Variants in WWOX observed in about 807,000 individuals in gnomAD.
WWOX encodes the protein WW domain-containing oxidoreductase.
WWOX carries 69 observed loss-of-function variants against 46.2 expected under a neutral mutation model. The observed-to-expected ratio is 1.49, with a 90% CI of 1.23 to 1.82. The LOEUF (loss-of-function observed/expected upper bound fraction) is 1.82, where lower values mean the gene tolerates loss of function less well. WWOX is among the 40% of genes most tolerant of loss of function. WWOX has a pLI of 0.00. For missense variants in WWOX, 919 were observed against 542.6 expected, an observed-to-expected ratio of 1.69 and a Z score of -6.89; for synonymous variants, 359 against 202.6, an observed-to-expected ratio of 1.77 and a Z score of -6.56.
chr16:78,680,658 C>G (rs1247088658), intron 8 of WWOX, among the ~76,000 whole-genome samples: 1 of 152,214 alleles, frequency 6.6e-6, no homozygotes, highest in Admixed American at 6.5e-5. Flanking sequence ...CTCACTCACA[C>G]ATTACAAGTG....
intron 8 of WWOX, among the ~76,000 whole-genome samples, chr16:78,643,493 T>A (rs948352897): frequency 6.6e-6 from 1 of 152,134 alleles, no homozygotes; most frequent in Non-Finnish European, 1.5e-5. Flanking sequence ...AGGCGACTTC[T>A]AACATGTCCA....
chr16:78,527,629 A>G (rs1240042649), intron 8 of WWOX, among the ~76,000 whole-genome samples: 2 of 152,180 alleles, frequency 1.3e-5, no homozygotes, highest in African/African-American at 4.8e-5. Context: ...ACTACATTTA[A>G]CCATGTATGT....
intron 5 of WWOX, among the ~76,000 whole-genome samples, chr16:78,243,399 A>AG (rs1007195978): frequency 1.3e-5 from 2 of 152,028 alleles, no homozygotes; most frequent in Non-Finnish European, 2.9e-5. Flanking sequence ...GTACTCGTGC[A>AG]GGGCTGTTAA....
intron 4 of WWOX, among the ~76,000 whole-genome samples, chr16:78,122,026 G>C (rs1042596136): frequency 3.9e-5 from 6 of 152,038 alleles, no homozygotes; most frequent in Admixed American, 3.9e-4. Context: ...CTAATTTTGA[G>C]AGAGAGAGAG....
chr16:78,169,271 C>T (rs999186020), intron 5 of WWOX, among the ~76,000 whole-genome samples: 1 of 152,194 alleles, frequency 6.6e-6, no homozygotes, highest in African/African-American at 2.4e-5. Context: ...GCAGTGGACT[C>T]TCTTTTATTT....
chr16:78,888,556 G>A (rs992145176), intron 8 of WWOX, among the ~76,000 whole-genome samples: 1 of 152,174 alleles, frequency 6.6e-6, no homozygotes, highest in Non-Finnish European at 1.5e-5. Context: ...CTCAAAGACG[G>A]CTTTTGTTTG....
chr16:78,243,765 A>G (rs1008751389), intron 5 of WWOX, among the ~76,000 whole-genome samples: 1 of 152,116 alleles, frequency 6.6e-6, no homozygotes, highest in African/African-American at 2.4e-5. Flanking sequence ...CAGGCTGGTC[A>G]CGAACTCCTG....
intron 8 of WWOX, among the ~76,000 whole-genome samples, chr16:78,597,665 C>T (rs866417916): frequency 2.2e-4 from 34 of 151,806 alleles, no homozygotes; most frequent in Middle Eastern, 3.2e-3. Context: ...GCTTTCCAAA[C>T]CCCTAAATTG....
At chr16:78,125,904 A>C (rs1405285365) in intron 4 of WWOX, among the ~76,000 whole-genome samples, 1 of 152,178 alleles carries the variant, frequency 6.6e-6, no homozygotes, top group Non-Finnish European at 1.5e-5. Context: ...ATTGTGATTA[A>C]CATGTATTCC....
At chr16:78,464,992 G>A (rs866364181) in intron 8 of WWOX, among the ~76,000 whole-genome samples, 3 of 152,148 alleles carry the variant, frequency 2.0e-5, no homozygotes, top group South Asian at 2.1e-4. Flanking sequence ...AGGAGCAAAG[G>A]CACATCTTAC....
At chr16:78,620,064 T>A (rs1349387053) in intron 8 of WWOX, among the ~76,000 whole-genome samples, 1 of 152,162 alleles carries the variant, frequency 6.6e-6, no homozygotes, top group Non-Finnish European at 1.5e-5. Flanking sequence ...TGGAAGATCA[T>A]CTCTAATTAA....
chr16:78,432,000 G>A lies in WWOX; in HGVS notation c.792-488G>A, dbSNP rs146874228. Among the ~76,000 whole-genome samples the A allele has an allele frequency of 4.1e-3, 619 of 152,278 alleles. 7 individuals carry two copies. The highest frequency in any genetic ancestry group is 0.014 in the African/African-American group (569 of 41,552). ...TAAAGTGCTGGGATTAGAGGCATGA[G>A]CCACCAGACATGACCTGTGTTTATA... On this transcript the variant is annotated intron_variant, in intron 7 of 8. Coordinates refer to ENST00000566780, the MANE Select transcript of WWOX (RefSeq NM_016373.4).
chr16:78,853,992 A>T (rs551876234), intron 8 of WWOX, among the ~76,000 whole-genome samples: 1 of 152,304 alleles, frequency 6.6e-6, no homozygotes, highest in South Asian at 2.1e-4. Context: ...TAAAAAATGA[A>T]CAGAGGAAAT....
intron 8 of WWOX, among the ~76,000 whole-genome samples, chr16:78,988,315 G>C (rs1267676952): frequency 6.7e-6 from 1 of 148,268 alleles, no homozygotes; most frequent in Non-Finnish European, 1.5e-5. Context: ...TTGCACTCCA[G>C]CCCAGGCAAC....
At chr16:78,930,842 G>A (rs541164967) in intron 8 of WWOX, among the ~76,000 whole-genome samples, 6 of 152,094 alleles carry the variant, frequency 3.9e-5, no homozygotes, top group African/African-American at 1.4e-4. Flanking sequence ...GCTATGCAAG[G>A]CACTGAGGTG....
intron 8 of WWOX, among the ~76,000 whole-genome samples, chr16:79,018,984 C>T (rs981684273): frequency 1.3e-5 from 2 of 151,508 alleles, no homozygotes; most frequent in Non-Finnish European, 2.9e-5. Context: ...AACCCCATCT[C>T]TACAAAAAAT....
chr16:78,151,810 T>A (rs2034418009), intron 4 of WWOX, among the ~76,000 whole-genome samples: 1 of 152,208 alleles, frequency 6.6e-6, no homozygotes, highest in South Asian at 2.1e-4. Flanking sequence ...GGTAACTCTC[T>A]CCTGCAGTAA....
At chr16:78,124,992 A>G (rs9933874) in intron 4 of WWOX, among the ~76,000 whole-genome samples, 9 of 152,094 alleles carry the variant, frequency 5.9e-5, no homozygotes, top group Admixed American at 3.9e-4. Context: ...AGTTTATTTC[A>G]TATAAAGAGG....
intron 8 of WWOX, among the ~76,000 whole-genome samples, chr16:79,156,133 A>T (rs1014197839): frequency 2.6e-5 from 4 of 152,128 alleles, no homozygotes; most frequent in Non-Finnish European, 5.9e-5. Context: ...TAACAGTGCT[A>T]ATGTGATTGT....
Sources: allele counts gnomAD v4.1 joint callset (sites outside exome capture counted in the v4.1 genomes callset), GRCh38; gene constraint gnomAD v4.1.1; transcripts MANE v1.5; gene names NCBI Gene and HGNC (gene_info 2026-07-23, HGNC 2026-07-21).